DPP10: variants seen among roughly 807,000 people sequenced by gnomAD.
DPP10 encodes the protein dipeptidyl peptidase like 10.
A neutral mutation model predicts 120.9 loss-of-function variants in DPP10; 33 were observed. That is an observed-to-expected ratio of 0.27 (90% CI 0.21 to 0.37). The LOEUF (loss-of-function observed/expected upper bound fraction) is 0.37, where lower values mean the gene tolerates loss of function less well. DPP10 is among the 10% of genes least tolerant of loss of function. The probability of loss-of-function intolerance (pLI) is 1.00; values close to 1 mark genes in which losing one functional copy is unlikely to be tolerated. For missense variants in DPP10, 816 were observed against 942.8 expected, an observed-to-expected ratio of 0.87 and a Z score of 1.76; for synonymous variants, 337 against 326.1, an observed-to-expected ratio of 1.03 and a Z score of -0.36.
rs570613440 is a variant in DPP10 at position 115,348,564 on chromosome 2, G to A, written c.271+4652G>A. Among the ~76,000 whole-genome samples the A allele has an allele frequency of 5.9e-5, 9 of 151,974 alleles. No individual in the cohort carries two copies. The East Asian group carries it at 7.7e-4, about 13-fold the overall frequency. On this transcript the variant is annotated intron_variant, in intron 3 of 25. Transcript: ENST00000410059. ...GTTTGTTACATGGGTATCCTGCAAC[G>A]TTAGCACTCTCAGGATATTCATTTT...
chr2:114,497,295 ATG>A (rs113666205), intron 1 of DPP10, among the ~76,000 whole-genome samples: 10,533 of 68,802 alleles, frequency 0.15, 1,133 homozygotes, highest in African/African-American at 0.29. Context: ...ATACATGTAC[ATG>A]TATACGTGTA....
chr2:115,201,289 C>G lies in DPP10; in HGVS notation c.61-107950C>G, dbSNP rs185921744. Among the ~76,000 whole-genome samples the G allele has an allele frequency of 5.9e-4, 89 of 151,992 alleles. 1 individual carries two copies. Among genetic ancestry groups the G allele is most frequent in the Admixed American group, 1.6e-3 (25 of 15,252 alleles). On this transcript the variant is annotated intron_variant, in intron 1 of 25. Transcript: ENST00000410059. ...ACCAGCCTGGACAACATGGTGAAAC[C>G]CCATCTGTACTAAAAATACAAAAAT...
At chr2:114,808,250 A>T (rs976780939) in intron 1 of DPP10, among the ~76,000 whole-genome samples, 1 of 152,204 alleles carries the variant, frequency 6.6e-6, no homozygotes, top group African/African-American at 2.4e-5. Flanking sequence ...TTAATATACT[A>T]TAATTTAATT....
chr2:115,432,853 C>T (rs1228597349), intron 3 of DPP10, among the ~76,000 whole-genome samples: 2 of 151,928 alleles, frequency 1.3e-5, no homozygotes, highest in Non-Finnish European at 2.9e-5. Context: ...CACAGGAAAG[C>T]CGTCCCTTAA....
At chr2:115,191,857 T>C (rs569478837) in intron 1 of DPP10, among the ~76,000 whole-genome samples, 3 of 152,328 alleles carry the variant, frequency 2.0e-5, no homozygotes, top group Non-Finnish European at 4.4e-5. Context: ...CCTTTAGCTC[T>C]GAGGGAAGAG....
At chr2:115,106,142 C>T (rs1271930889) in intron 1 of DPP10, among the ~76,000 whole-genome samples, 1 of 152,200 alleles carries the variant, frequency 6.6e-6, no homozygotes, top group Non-Finnish European at 1.5e-5. Context: ...ACTTTATCAT[C>T]CTTGCTGCTT....
At chr2:114,698,058 T>A (rs749023048) in intron 1 of DPP10, among the ~76,000 whole-genome samples, 1 of 152,136 alleles carries the variant, frequency 6.6e-6, no homozygotes, top group Non-Finnish European at 1.5e-5. Flanking sequence ...TATTTCATGT[T>A]GGAATTAAAA....
At chr2:115,481,927 A>T (rs1463844794) in intron 3 of DPP10, among the ~76,000 whole-genome samples, 1 of 152,110 alleles carries the variant, frequency 6.6e-6, no homozygotes, top group Non-Finnish European at 1.5e-5. Flanking sequence ...TTCAAATTAA[A>T]TGAGAAGGAT....
chr2:115,535,880 G>A (rs542157828), intron 5 of DPP10, among the ~76,000 whole-genome samples: 8 of 152,058 alleles, frequency 5.3e-5, no homozygotes, highest in African/African-American at 1.7e-4. Flanking sequence ...AAGCAATTGT[G>A]AATGGGAGTT....
At chr2:115,364,909 G>C (rs1035269404) in intron 3 of DPP10, among the ~76,000 whole-genome samples, 2 of 151,916 alleles carry the variant, frequency 1.3e-5, no homozygotes, top group African/African-American at 4.8e-5. Flanking sequence ...AAGTAGTAGA[G>C]GATATTTTTT....
At chr2:114,613,198 A>G (rs950017741) in intron 1 of DPP10, among the ~76,000 whole-genome samples, 5 of 152,318 alleles carry the variant, frequency 3.3e-5, no homozygotes, top group African/African-American at 1.2e-4. Context: ...AATCTATTCT[A>G]TACACACTCA....
rs981009273 is a variant in DPP10, at chr2:114,630,051, A to C, written c.60+187213A>C. On this transcript the variant is annotated intron_variant, in intron 1 of 25. Transcript: ENST00000410059. The stretch of plus-strand genomic sequence containing the variant: ...TGTGTACATATATACAAATATACAT[A>C]CATATCTATGTAACTTGATAAAATT... Among the ~76,000 whole-genome samples the C allele has an allele frequency of 7.2e-5, 11 of 152,300 alleles. No homozygotes were observed. In the South Asian group the frequency reaches 2.1e-3, roughly 29 times the overall value.
chr2:114,905,438 CTTAAA>C (rs775806044), intron 1 of DPP10, among the ~76,000 whole-genome samples: 4 of 152,000 alleles, frequency 2.6e-5, no homozygotes, highest in African/African-American at 4.8e-5. Flanking sequence ...TTGATGCTGT[CTTAAA>C]TTGAATTATT....
intron 1 of DPP10, among the ~76,000 whole-genome samples, chr2:115,143,236 A>G (rs1257195979): frequency 1.3e-5 from 2 of 152,170 alleles, no homozygotes; most frequent in Non-Finnish European, 1.5e-5. Context: ...GTCAGAAACA[A>G]TAGGCAGAAG....
chr2:115,449,968 C>T (rs1238157554), intron 3 of DPP10, among the ~76,000 whole-genome samples: 1 of 151,876 alleles, frequency 6.6e-6, no homozygotes, highest in African/African-American at 2.4e-5. Context: ...AGTGGTTTTA[C>T]CCCAAAAGCC....
At chr2:115,782,049 A>G (rs916017076) in intron 16 of DPP10, among the ~76,000 whole-genome samples, 1 of 152,030 alleles carries the variant, frequency 6.6e-6, no homozygotes, top group African/African-American at 2.4e-5. Flanking sequence ...TGGCTAGTCT[A>G]TAAAAGACTA....
chr2:115,598,584 T>A (rs1575292015), intron 5 of DPP10, among the ~76,000 whole-genome samples: 2 of 151,970 alleles, frequency 1.3e-5, no homozygotes, highest in East Asian at 3.9e-4. Flanking sequence ...AACAGGTCAC[T>A]ATCCTGTAAT....
intron 3 of DPP10, among the ~76,000 whole-genome samples, chr2:115,483,325 G>A (rs2075554959): frequency 6.6e-6 from 1 of 152,074 alleles, no homozygotes; most frequent in African/African-American, 2.4e-5. Flanking sequence ...GATAGCTAAT[G>A]TAACCAGCTC....
intron 4 of DPP10, among the ~76,000 whole-genome samples, chr2:115,511,707 C>T (rs1485859651): frequency 8.4e-6 from 1 of 119,230 alleles, no homozygotes; most frequent in Non-Finnish European, 1.7e-5. Flanking sequence ...CTTCTTTCTT[C>T]TTCTTCTTCT....
Sources: allele counts gnomAD v4.1 joint callset (sites outside exome capture counted in the v4.1 genomes callset), GRCh38; gene constraint gnomAD v4.1.1; transcripts MANE v1.5; gene names NCBI Gene and HGNC (gene_info 2026-07-23, HGNC 2026-07-21).